COG5: variants seen among roughly 807,000 people sequenced by gnomAD.
COG5 encodes component of oligomeric golgi complex 5.
A neutral mutation model predicts 110.4 loss-of-function variants in COG5; 86 were observed. The observed-to-expected ratio is 0.78, with a 90% confidence interval of 0.65 to 0.93. The LOEUF (loss-of-function observed/expected upper bound fraction) is 0.93, where lower values mean the gene tolerates loss of function less well. COG5 is among the 40% of genes least tolerant of loss of function. The probability of loss-of-function intolerance (pLI) is 0.00; values close to 1 mark genes in which losing one functional copy is unlikely to be tolerated. For synonymous variants in COG5, 360 were observed against 334.6 expected, an observed-to-expected ratio of 1.08 and a Z score of -0.83; for missense variants, 1,077 against 987.0, an observed-to-expected ratio of 1.09 and a Z score of -1.22.
At chr7:107,210,916 GAGAA>G (rs1246201034) in intron 20 of COG5, among the ~76,000 whole-genome samples, 179 bp downstream of exon 20, 4 of 152,230 alleles carry the variant, frequency 2.6e-5, no homozygotes, top group African/African-American at 9.6e-5. Flanking sequence ...TTGCACTGCT[GAGAA>G]AGAAGACACT....
chr7:107,430,134 C>A (rs2129079136), intron 6 of COG5, among the ~76,000 whole-genome samples: 1 of 152,160 alleles, frequency 6.6e-6, no homozygotes, highest in South Asian at 2.1e-4. Context: ...TATCTCATTT[C>A]CTTTTGTCAC....
chr7:107,546,129 A>G (rs1433778614), intron 5 of COG5, among the ~76,000 whole-genome samples: 1 of 152,212 alleles, frequency 6.6e-6, no homozygotes. Flanking sequence ...TGAGCAACCA[A>G]TGGATCAAAA....
At chr7:107,432,221 CAA>C (rs1430180337) in intron 6 of COG5, among the ~76,000 whole-genome samples, 1 of 151,994 alleles carries the variant, frequency 6.6e-6, no homozygotes, top group Admixed American at 6.6e-5. Context: ...AAAGAATAAT[CAA>C]AAAGAGTATG....
At chr7:107,532,972 T>C (rs1801317816) in intron 5 of COG5, among the ~76,000 whole-genome samples, 1 of 152,192 alleles carries the variant, frequency 6.6e-6, no homozygotes, top group Admixed American at 6.5e-5. Flanking sequence ...AGTCTCACGG[T>C]GATTTTTTTC....
intron 5 of COG5, among the ~76,000 whole-genome samples, chr7:107,546,059 A>AGTTT (rs1802417054): frequency 1.3e-5 from 2 of 152,126 alleles, no homozygotes; most frequent in Non-Finnish European, 2.9e-5. Context: ...AGAAATCAAT[A>AGTTT]AAGGATGGAT....
At chr7:107,460,531 T>C (rs1287174015) in intron 6 of COG5, among the ~76,000 whole-genome samples, 1 of 151,972 alleles carries the variant, frequency 6.6e-6, no homozygotes, top group African/African-American at 2.4e-5. Flanking sequence ...AAAACAATAC[T>C]GAACCACGTA....
intron 17 of COG5, among the ~76,000 whole-genome samples, chr7:107,243,212 G>A (rs1460324349): frequency 6.6e-6 from 1 of 151,926 alleles, no homozygotes; most frequent in African/African-American, 2.4e-5. Flanking sequence ...CAAATTCTTA[G>A]AGACCTTCAA....
At chr7:107,404,135 A>G (rs1363686827) in intron 7 of COG5, among the ~76,000 whole-genome samples, 1 of 152,214 alleles carries the variant, frequency 6.6e-6, no homozygotes, top group Non-Finnish European at 1.5e-5. Flanking sequence ...ACTGGTAAAG[A>G]TAGCACTAAA....
At chr7:107,504,057 G>A (rs1461987388) in intron 6 of COG5, among the ~76,000 whole-genome samples, 2 of 152,102 alleles carry the variant, frequency 1.3e-5, no homozygotes. Flanking sequence ...ATCAAAGTGG[G>A]CATCCTTGTC....
chr7:107,415,864 G>A (rs1363655197), intron 6 of COG5, among the ~76,000 whole-genome samples: 1 of 83,352 alleles, frequency 1.2e-5, no homozygotes, highest in Admixed American at 1.1e-4. Flanking sequence ...ACACATACAC[G>A]TATGTATGTA....
intron 16 of COG5, among the ~76,000 whole-genome samples, chr7:107,252,543 A>C (rs1802596051): frequency 6.6e-6 from 1 of 152,206 alleles, no homozygotes; most frequent in African/African-American, 2.4e-5. Flanking sequence ...AAACACTTTC[A>C]AACTCATTTA....
rs187988437 is a variant in COG5, at chr7:107,527,279, T to C, written c.496A>G (p.Ser166Gly). The stretch of plus-strand genomic sequence containing the variant: ...TGAGCAGCTTTTGTTATCTCTCTAC[T>C]TCCCCCTTGCAGTTGTCCTTGGAGT... Reference protein sequence around the residue: ...KRLQGQLQGGSREITKAAQSL... With the variant: ...KRLQGQLQGGGREITKAAQSL... The change falls in exon 6 of 22, where the codon AGT (serine) becomes GGT (glycine). Residue 166 changes from serine to glycine, a missense_variant. Ser to Gly is a moderately conservative substitution (Grantham distance 56, BLOSUM62 0). Coordinates refer to ENST00000297135, the MANE Select transcript of COG5 (RefSeq NM_006348.5). 1.9e-6 allele frequency: 3 copies of C among 1,610,442 alleles called. No individual in the cohort carries two copies. In the East Asian group the frequency reaches 6.7e-5, roughly 36 times the overall value.
chr7:107,216,921 G>A (rs1799573861), intron 19 of COG5, among the ~76,000 whole-genome samples: 1 of 151,808 alleles, frequency 6.6e-6, no homozygotes, highest in Admixed American at 6.6e-5. Context: ...AAAACCAGGG[G>A]AAAAAATCAA....
chr7:107,430,815 T>C (rs1386042649), intron 6 of COG5, among the ~76,000 whole-genome samples: 1 of 152,168 alleles, frequency 6.6e-6, no homozygotes, highest in Non-Finnish European at 1.5e-5. Flanking sequence ...AGATATGCCA[T>C]GGGTCTTGAG....
At chr7:107,546,990 A>C (rs1802501907) in intron 5 of COG5, among the ~76,000 whole-genome samples, 1 of 152,222 alleles carries the variant, frequency 6.6e-6, no homozygotes. Flanking sequence ...CTCTCCCCAA[A>C]AAAATCAAAG....
chr7:107,453,482 G>C (rs1795474426), intron 6 of COG5, among the ~76,000 whole-genome samples: 1 of 152,072 alleles, frequency 6.6e-6, no homozygotes, highest in Non-Finnish European at 1.5e-5. Context: ...TTATACTCTT[G>C]TCTCAGCAAA....
intron 12 of COG5, among the ~76,000 whole-genome samples, chr7:107,296,101 C>T (rs1014428094): frequency 3.3e-5 from 5 of 151,890 alleles, no homozygotes; most frequent in African/African-American, 7.3e-5. Context: ...CCTTCCCCTT[C>T]CTTCCTCACA....
At chr7:107,491,189 CT>C (rs1195622433) in intron 6 of COG5, among the ~76,000 whole-genome samples, 2 of 152,128 alleles carry the variant, frequency 1.3e-5, no homozygotes, top group Non-Finnish European at 2.9e-5. Flanking sequence ...AATACCTTCT[CT>C]CTATCCTCTA....
At chr7:107,522,818 T>C (rs944983506) in intron 6 of COG5, among the ~76,000 whole-genome samples, 1 of 152,188 alleles carries the variant, frequency 6.6e-6, no homozygotes, top group Admixed American at 6.5e-5. Flanking sequence ...TATTTTTTTC[T>C]CTACTAAATG....
Sources: allele counts gnomAD v4.1 joint callset (sites outside exome capture counted in the v4.1 genomes callset), GRCh38; gene constraint gnomAD v4.1.1; transcripts MANE v1.5; gene names NCBI Gene and HGNC (gene_info 2026-07-23, HGNC 2026-07-21).